Variants in VCPIP1 observed in about 807,000 individuals in gnomAD.
VCPIP1 encodes valosin containing protein interacting protein 1.
VCPIP1 carries 8 observed loss-of-function variants against 85.0 expected under a neutral mutation model. That is an observed-to-expected ratio of 0.09 (90% CI 0.06 to 0.17). The LOEUF (loss-of-function observed/expected upper bound fraction) is 0.17, where lower values mean the gene tolerates loss of function less well. VCPIP1 is among the 10% of genes least tolerant of loss of function. The probability of loss-of-function intolerance (pLI) is 1.00; values close to 1 mark genes in which losing one functional copy is unlikely to be tolerated. For missense variants in VCPIP1, 1,070 were observed against 1,486.3 expected (o/e 0.72, Z 4.61); for synonymous variants, 543 against 544.5 (o/e 1.00, Z 0.04).
intron 2 of VCPIP1, among the ~76,000 whole-genome samples, chr8:66,641,744 T>C (rs1454302696): frequency 6.6e-6 from 1 of 152,242 alleles, no homozygotes; most frequent in Non-Finnish European, 1.5e-5. Context: ...TTCAAGGTTC[T>C]TCCATGATGT....
At chr8:66,663,710 C>T (rs1271008299) in intron 1 of VCPIP1, among the ~76,000 whole-genome samples, 1 of 152,020 alleles carries the variant, frequency 6.6e-6, no homozygotes, top group African/African-American at 2.4e-5. Flanking sequence ...AAATACAAAT[C>T]CTAGTGTACT....
chr8:66,665,415 A>C lies in VCPIP1; in HGVS notation c.1544T>G (p.Leu515Trp). ...DKNYSFPLNNLVCSYDSVKDV... is the reference protein window; with the variant it reads ...DKNYSFPLNNWVCSYDSVKDV... ...TTTCACTGAATCATATGAGCAAACC[A>C]AATTGTTCAAGGGAAAGCTGTAATT... The change falls in exon 1 of 3, where the codon TTG becomes TGG. Residue 515 changes from leucine (L) to tryptophan (W), a missense_variant. This residue lies in a region of VCPIP1 where 123 missense variants were observed against 156.3 expected (regional missense o/e 0.79). Coordinates refer to ENST00000310421, the MANE Select transcript of VCPIP1 (RefSeq NM_025054.5). The surrounding 1 kb of genome is among the most constrained non-coding windows in gnomAD (Gnocchi z 4.3). 1 of 1,614,242 alleles carries C rather than the reference A, an allele frequency of 6.2e-7. No individual in the cohort carries two copies. Among genetic ancestry groups the C allele is most frequent in the Non-Finnish European group, 8.5e-7 (1 of 1,180,046 alleles).
intron 2 of VCPIP1, among the ~76,000 whole-genome samples, chr8:66,644,625 C>T (rs1412674669): frequency 6.6e-6 from 1 of 152,140 alleles, no homozygotes; most frequent in East Asian, 1.9e-4. Flanking sequence ...TGTCTACTCT[C>T]ACCTTTCCGA....
At position 66,665,365 on chromosome 8, in the gene VCPIP1, T is replaced by G. The variant is rs150266647; in HGVS notation, c.1594A>C (p.Met532Leu). The stretch of plus-strand genomic sequence containing the variant: ...CAATTACAAGCTGTTAGGTTACTCA[T>G]TCCATAGTCTGGTACCAGAACATCT... ...VKDVLVPDYG[M>L]SNLTACNWCH... is the part of the protein sequence containing the mutation. The change falls in exon 1 of 3, where the codon ATG becomes CTG. Residue 532 changes from methionine (M) to leucine (L), a missense_variant. By Grantham distance (15) the Met-to-Leu change is conservative. Transcript: ENST00000310421. The surrounding 1 kb of genome is among the most constrained non-coding windows in gnomAD (Gnocchi z 4.3). 4.3e-6 allele frequency: 7 copies of G among 1,614,072 alleles called. No homozygotes were observed. Among genetic ancestry groups the G allele is most frequent in the African/African-American group, 1.3e-5 (1 of 74,944 alleles).
rs755562636 is a variant in VCPIP1 at position 66,665,054 on chromosome 8, T to C, written c.1905A>G (p.Pro635=). The change falls in exon 1 of 3, where the codon CCA becomes CCG. Residue 635 remains proline (P), a synonymous_variant. Transcript: ENST00000310421. This position sits in a 1 kb window ranked among gnomAD's most constrained non-coding sequence, Gnocchi z 4.3. Reference sequence around the variant, plus strand: ...CTAGGATTTCACTCCCAAATTCACCTGGAAAGTGCTTGGTAACAAGTTTCA... The same window carrying C: ...CTAGGATTTCACTCCCAAATTCACCCGGAAAGTGCTTGGTAACAAGTTTCA... ...VAMKLVTKHF[P]GEFGSEILVQ... is the part of the protein sequence containing the mutation. 7 of 1,613,956 alleles carry C rather than the reference T, an allele frequency of 4.3e-6. No homozygotes were observed. In the South Asian group the frequency reaches 4.4e-5, roughly 10 times the overall value.
Position 66,634,359 on chromosome 8 carries a change from G to A in VCPIP1, c.*142C>T. 3 of 940,836 alleles carry A rather than the reference G, an allele frequency of 3.2e-6. No individual in the cohort carries two copies. Among genetic ancestry groups the A allele is most frequent in the Admixed American group, 3.1e-5 (1 of 32,042 alleles). 58.3% of individuals were successfully genotyped at this position (940,836 alleles called of 1,614,324 possible). A position where few individuals can be genotyped will look rare whatever the true frequency, so the allele number is the denominator to read the frequency against. ...AAAAGCTATGGCCAATCACACACTT[G>A]CTATCATGCACTGAATAACAAGATA... On this transcript the variant is annotated 3_prime_UTR_variant, in exon 3 of 3. Coordinates refer to ENST00000310421, the MANE Select transcript of VCPIP1 (RefSeq NM_025054.5).
At chr8:66,653,510 G>A (rs951496471) in intron 1 of VCPIP1, 6 of 152,148 alleles carry the variant, frequency 3.9e-5, no homozygotes, top group African/African-American at 1.2e-4. Context: ...TGACTGTTCA[G>A]TTACAGTTGG....
rs770866862 is a variant in VCPIP1 at position 66,635,168 on chromosome 8, T to C, written c.3002A>G (p.His1001Arg). Reference sequence around the variant, plus strand: ...ACCACTACCTAGTTTTAATAGCCCATGTGAGGGACTTGATTCCCTACTTCT... The same window carrying C: ...ACCACTACCTAGTTTTAATAGCCCACGTGAGGGACTTGATTCCCTACTTCT... Reference protein sequence around the residue: ...TTRSRESSPSHGLLKLGSGGV... With the variant: ...TTRSRESSPSRGLLKLGSGGV... Residue 1001 changes from histidine (H) to arginine (R), a missense_variant, in exon 3 of 3, where the codon CAT becomes CGT. Physicochemically the swap from His to Arg is conservative, Grantham distance 29. This residue lies in a region of VCPIP1 where 255 missense variants were observed against 289.5 expected (regional missense o/e 0.88). Coordinates refer to ENST00000310421, the MANE Select transcript of VCPIP1 (RefSeq NM_025054.5). 11 of 1,614,184 alleles carry C rather than the reference T, an allele frequency of 6.8e-6. No homozygotes were observed. The highest frequency in any genetic ancestry group is 1.7e-5 in the Admixed American group (1 of 60,020).
At position 66,666,941 on chromosome 8, in the gene VCPIP1, C is replaced by CAACGGA; in HGVS notation, c.17_18insTCCGTT (p.Pro7_Pro8insLeuPro). On this transcript the variant is annotated inframe_insertion, in exon 1 of 3. Coordinates refer to ENST00000310421, the MANE Select transcript of VCPIP1 (RefSeq NM_025054.5). The surrounding 1 kb of genome is among the most constrained non-coding windows in gnomAD (Gnocchi z 6.3). ...GTGGCGGCGGCAACGGAGGCGGCGGCGGCGGCGGCTGAGACATAGCTCCTG... is the reference window on the plus strand; with the variant it reads ...GTGGCGGCGGCAACGGAGGCGGCGGCAACGGAGGCGGCGGCTGAGACATAGCTCCTG... The CAACGGA allele has an allele frequency of 6.3e-7, 1 of 1,576,636 alleles. No homozygotes were observed. Among genetic ancestry groups the CAACGGA allele is most frequent in the Non-Finnish European group, 8.6e-7 (1 of 1,167,238 alleles).
Position 66,665,283 on chromosome 8 carries a change from T to C in VCPIP1, c.1676A>G (p.Asp559Gly), listed in dbSNP as rs552540478. The C allele has an allele frequency of 6.2e-7, 1 of 1,614,170 alleles. No homozygotes were observed. The highest frequency in any genetic ancestry group is 1.3e-5 in the African/African-American group (1 of 75,050). ...VRGDGSIVYLDGDRTNSRSTG... is the reference protein window; with the variant it reads ...VRGDGSIVYLGGDRTNSRSTG... ...GGACCTAGAATTAGTTCTGTCTCCA[T>C]CCAAATACACAATAGACCCATCTCC... is the stretch of plus-strand genomic sequence containing the variant. The change falls in exon 1 of 3, where the codon GAT becomes GGT. Residue 559 changes from aspartate to glycine, a missense_variant. Physicochemically the swap from Asp to Gly is moderately conservative, Grantham distance 94. Around this residue, in one of 8 missense-constraint regions of VCPIP1, gnomAD observed 123 missense variants for 156.3 expected, o/e 0.79. Coordinates refer to ENST00000310421, the MANE Select transcript of VCPIP1 (RefSeq NM_025054.5). The surrounding 1 kb of genome is among the most constrained non-coding windows in gnomAD (Gnocchi z 4.3).
At chr8:66,648,260 T>A (rs564138738) in intron 2 of VCPIP1, among the ~76,000 whole-genome samples, 10 of 152,318 alleles carry the variant, frequency 6.6e-5, no homozygotes, top group African/African-American at 2.2e-4. Flanking sequence ...AATAGGCACA[T>A]TTTTTCTGTA....
chr8:66,638,452 G>A (rs528227736), intron 2 of VCPIP1, among the ~76,000 whole-genome samples: 20 of 129,556 alleles, frequency 1.5e-4, no homozygotes, highest in African/African-American at 5.4e-4. Context: ...ATACCACTGC[G>A]CTCCAGCCTG....
intron 2 of VCPIP1, among the ~76,000 whole-genome samples, chr8:66,636,338 T>A (rs1354574109): frequency 6.6e-6 from 1 of 151,606 alleles, no homozygotes; most frequent in Non-Finnish European, 1.5e-5. Flanking sequence ...GTTCCACACA[T>A]GTTCATCACA....
intron 2 of VCPIP1, among the ~76,000 whole-genome samples, chr8:66,645,014 G>A (rs559908201): frequency 2.6e-5 from 4 of 151,498 alleles, no homozygotes; most frequent in African/African-American, 7.3e-5. Flanking sequence ...CTGGAGAATC[G>A]CTTGAGCCCA....
In VCPIP1 at chr8:66,635,146, A is replaced by G. The variant is rs1264439275; in HGVS notation, c.3024T>C (p.Ser1008=). ...CAGATTTCTTTTTCACTACTCCACC[A>G]CTACCTAGTTTTAATAGCCCATGTG... ...SPSHGLLKLG[S]GGVVKKKSEQ... Residue 1008 remains serine, a synonymous_variant, in exon 3 of 3, where the codon AGT becomes AGC. Transcript: ENST00000310421. 1 of 1,614,168 alleles carries G rather than the reference A, an allele frequency of 6.2e-7. No individual in the cohort carries two copies. Among genetic ancestry groups the G allele is most frequent in the African/African-American group, 1.3e-5 (1 of 75,036 alleles).
chr8:66,660,928 A>G (rs1220611128), intron 1 of VCPIP1, among the ~76,000 whole-genome samples: 1 of 152,040 alleles, frequency 6.6e-6, no homozygotes, highest in Non-Finnish European at 1.5e-5. Flanking sequence ...TTGTAATCCC[A>G]GCTACTTGGG....
chr8:66,647,169 T>C (rs1446508434), intron 2 of VCPIP1, among the ~76,000 whole-genome samples: 3 of 151,978 alleles, frequency 2.0e-5, no homozygotes, highest in African/African-American at 7.2e-5. Context: ...GGTGAAACCC[T>C]GTCTCTACTA....
Position 66,641,665 on chromosome 8 carries a change from A to G in VCPIP1, c.2798-6293T>C, listed in dbSNP as rs952643687. On this transcript the variant is annotated intron_variant, in intron 2 of 2. Coordinates refer to ENST00000310421, the MANE Select transcript of VCPIP1 (RefSeq NM_025054.5). ...CACAGATTCACTCTCTGTTTCTCTA[A>G]GTGTTCCTATTCTGGATATTTCACT... 2.6e-5 allele frequency among the ~76,000 whole-genome samples: 4 copies of G among 152,188 alleles called. No homozygotes were observed. In the East Asian group the frequency reaches 7.7e-4, roughly 29 times the overall value.
Position 66,667,156 on chromosome 8 carries a change from G to A in VCPIP1, c.-198C>T. The A allele has an allele frequency of 8.0e-7, 1 of 1,244,342 alleles. No individual in the cohort carries two copies. The highest frequency in any genetic ancestry group is 2.0e-5 in the South Asian group (1 of 51,058). The allele number at this position is 1,244,342 out of a possible 1,614,324, so 77.1% of individuals were successfully genotyped here. Reference sequence around the variant, plus strand: ...TTCTTACTTCTCCACTGCCGTAGCCGTTGCCCCGAACGTAACGGCCACCAC... The same window carrying A: ...TTCTTACTTCTCCACTGCCGTAGCCATTGCCCCGAACGTAACGGCCACCAC... On this transcript the variant is annotated 5_prime_UTR_variant, in exon 1 of 3. It adds an upstream start codon to the 5' untranslated region. Transcript: ENST00000310421.
Sources: allele counts gnomAD v4.1 joint callset (sites outside exome capture counted in the v4.1 genomes callset), GRCh38; gene constraint gnomAD v4.1.1; regional missense constraint gnomAD v4.1.1; non-coding constraint Gnocchi (gnomAD v3.1); transcripts MANE v1.5; gene names NCBI Gene and HGNC (gene_info 2026-07-23, HGNC 2026-07-21).